HECW2: variants seen among roughly 807,000 people sequenced by gnomAD.
The protein encoded by HECW2 is HECT, C2 and WW domain containing E3 ubiquitin protein ligase 2.
Under a neutral mutation model 175.2 loss-of-function variants are expected in HECW2, and 61 were observed. That is an observed-to-expected ratio of 0.35 (90% CI 0.28 to 0.43). HECW2 has a LOEUF of 0.43. Among genes scored for constraint, HECW2 ranks in the 20% least tolerant of loss-of-function variants. The pLI is 1.00. For missense variants in HECW2, 1,524 were observed against 2,000.5 expected, an observed-to-expected ratio of 0.76 and a Z score of 4.54; for synonymous variants, 671 against 731.0, an observed-to-expected ratio of 0.92 and a Z score of 1.32.
Position 196,339,944 on chromosome 2 carries a change from C to A in HECW2, c.400+3713G>T, listed in dbSNP as rs145806021. Among the ~76,000 whole-genome samples, 54 of 152,286 alleles carry A rather than the reference C, an allele frequency of 3.5e-4. 1 individual carries two copies. In the East Asian group the frequency reaches 9.1e-3, roughly 26 times the overall value. ...AGCCCTATAATGAAATAAATTTGGA[C>A]TACCTGCCTCCTCTGGGGATTTATC... On this transcript the variant is annotated intron_variant, in intron 3 of 28. Transcript: ENST00000644978.
At chr2:196,380,675 C>G (rs1475465298) in intron 2 of HECW2, among the ~76,000 whole-genome samples, 1 of 152,160 alleles carries the variant, frequency 6.6e-6, no homozygotes, top group East Asian at 1.9e-4. Flanking sequence ...AATTCTCTAA[C>G]AGGGATGAGG....
At chr2:196,529,430 TC>T (rs1414666179) in intron 1 of HECW2, among the ~76,000 whole-genome samples, 2 of 152,210 alleles carry the variant, frequency 1.3e-5, no homozygotes, top group African/African-American at 4.8e-5. Context: ...CCACTAATTC[TC>T]TTTGTGATCT....
At chr2:196,513,050 A>G (rs1688011070) in intron 1 of HECW2, among the ~76,000 whole-genome samples, 1 of 152,214 alleles carries the variant, frequency 6.6e-6, no homozygotes, top group South Asian at 2.1e-4. Flanking sequence ...ACAAAAAACT[A>G]TAGGATAATC....
chr2:196,382,248 CAT>C (rs1694228610), intron 2 of HECW2, among the ~76,000 whole-genome samples: 2 of 145,944 alleles, frequency 1.4e-5, no homozygotes, highest in African/African-American at 5.2e-5. Flanking sequence ...TATATATATA[CAT>C]GTGTGGAATA....
chr2:196,521,937 A>C (rs1688410632), intron 1 of HECW2, among the ~76,000 whole-genome samples: 1 of 152,072 alleles, frequency 6.6e-6, no homozygotes, highest in South Asian at 2.1e-4. Flanking sequence ...ATGCCACAAT[A>C]AACATACATG....
At chr2:196,373,692 GAAAC>G (rs916780012) in intron 2 of HECW2, among the ~76,000 whole-genome samples, 1 of 151,854 alleles carries the variant, frequency 6.6e-6, no homozygotes, top group Non-Finnish European at 1.5e-5. Context: ...AGTACAAGGG[GAAAC>G]AAACAAAAAA....
chr2:196,520,292 C>T (rs2125431701), intron 1 of HECW2, among the ~76,000 whole-genome samples: 1 of 151,506 alleles, frequency 6.6e-6, no homozygotes, highest in East Asian at 1.9e-4. Context: ...ATCCAGTGAG[C>T]ATGGTAGACT....
intron 4 of HECW2, among the ~76,000 whole-genome samples, chr2:196,332,324 T>C (rs1692394218): frequency 6.6e-6 from 1 of 152,340 alleles, no homozygotes; most frequent in South Asian, 2.1e-4. Flanking sequence ...ATGACCATCA[T>C]GCTATTATAG....
intron 2 of HECW2, among the ~76,000 whole-genome samples, chr2:196,367,968 A>G (rs1176983081): frequency 6.6e-6 from 1 of 151,944 alleles, no homozygotes; most frequent in African/African-American, 2.4e-5. Context: ...TGATACATAT[A>G]TGAGATACAT....
intron 1 of HECW2, among the ~76,000 whole-genome samples, chr2:196,472,481 C>CAAAAAA (rs538116476): frequency 1.4e-5 from 1 of 71,378 alleles, no homozygotes; most frequent in Non-Finnish European, 2.8e-5. Context: ...GAGACTCCGT[C>CAAAAAA]AAAAAAAAAA....
At chr2:196,387,063 T>C (rs1336956558) in intron 2 of HECW2, among the ~76,000 whole-genome samples, 1 of 152,204 alleles carries the variant, frequency 6.6e-6, no homozygotes, top group African/African-American at 2.4e-5. Context: ...AGAAAAGTAT[T>C]TTGTTTTGGC....
At chr2:196,529,541 T>G (rs1231567343) in intron 1 of HECW2, among the ~76,000 whole-genome samples, 3 of 152,086 alleles carry the variant, frequency 2.0e-5, no homozygotes, top group African/African-American at 7.2e-5. Flanking sequence ...TTTAAAAAAT[T>G]AACAGAAAAG....
At chr2:196,295,486 G>T (rs1177139714) in intron 13 of HECW2, among the ~76,000 whole-genome samples, 1 of 152,152 alleles carries the variant, frequency 6.6e-6, no homozygotes, top group East Asian at 1.9e-4. Context: ...TGAGCTTTCA[G>T]GTCTTACTAC....
Position 196,424,189 on chromosome 2 carries a change from T to C in HECW2, c.292+8943A>G, listed in dbSNP as rs557765267. Among the ~76,000 whole-genome samples the C allele has an allele frequency of 3.9e-5, 6 of 152,234 alleles. No homozygotes were observed. In the East Asian group the frequency reaches 9.6e-4, roughly 24 times the overall value. ...TTATTGTAATTGTTTTGAGGCACCATGAACTGTGCCCAAGACTATAAACTT... is the reference window on the plus strand; with the variant it reads ...TTATTGTAATTGTTTTGAGGCACCACGAACTGTGCCCAAGACTATAAACTT... On this transcript the variant is annotated intron_variant, in intron 2 of 28. Transcript: ENST00000644978.
intron 15 of HECW2, 148 bp downstream of exon 15, chr2:196,278,380 A>T: frequency 2.4e-6 from 2 of 831,974 alleles, no homozygotes; most frequent in Non-Finnish European, 3.6e-6. Context: ...AAGCCCTGTC[A>T]ACATTCGAAA....
At position 196,343,747 on chromosome 2, in the gene HECW2, T is replaced by C. The variant is rs1195098276; in HGVS notation, c.310A>G (p.Asn104Asp). 2 of 1,612,780 alleles carry C rather than the reference T, an allele frequency of 1.2e-6. No homozygotes were observed. The highest frequency in any genetic ancestry group is 2.7e-5 in the African/African-American group (2 of 74,908). Residue 104 changes from asparagine to aspartate, a missense_variant, in exon 3 of 29, where the codon AAC becomes GAC. This residue lies in a region of HECW2 where 135 missense variants were observed against 214.6 expected (regional missense o/e 0.63). Coordinates refer to ENST00000644978, the MANE Select transcript of HECW2 (RefSeq NM_001348768.2). Reference protein sequence around the residue: ...LYHIDENSPANFWDSKNRGVT... With the variant: ...LYHIDENSPADFWDSKNRGVT... ...CCCCTGTTCTTAGAATCCCAGAAGT[T>C]GGCTGGAGAATTCTCATCTAGAAAA...
At chr2:196,379,337 G>A (rs969074413) in intron 2 of HECW2, among the ~76,000 whole-genome samples, 3 of 152,160 alleles carry the variant, frequency 2.0e-5, no homozygotes, top group African/African-American at 4.8e-5. Flanking sequence ...TGATCTGGGT[G>A]GCAGTTATAC....
chr2:196,299,846 G>A (rs113792461), intron 13 of HECW2, among the ~76,000 whole-genome samples: 1,892 of 152,008 alleles, frequency 0.012, 35 homozygotes, highest in African/African-American at 0.043. Context: ...GGAGAATGGC[G>A]TGAACCCAGG....
At chr2:196,431,010 G>A (rs543729392) in intron 2 of HECW2, among the ~76,000 whole-genome samples, 6 of 152,156 alleles carry the variant, frequency 3.9e-5, no homozygotes, top group African/African-American at 1.4e-4. Flanking sequence ...TGGAAACCAA[G>A]ATAAAGAGAA....
Sources: allele counts gnomAD v4.1 joint callset (sites outside exome capture counted in the v4.1 genomes callset), GRCh38; gene constraint gnomAD v4.1.1; regional missense constraint gnomAD v4.1.1; transcripts MANE v1.5; gene names NCBI Gene and HGNC (gene_info 2026-07-23, HGNC 2026-07-21).